PRR16: variants seen among roughly 807,000 people sequenced by gnomAD.
The protein encoded by PRR16 is protein Largen.
Under a neutral mutation model 18.2 loss-of-function variants are expected in PRR16, and 6 were observed. The ratio of observed to expected loss-of-function variants is 0.33; its 90% CI spans 0.18 to 0.65. The LOEUF (loss-of-function observed/expected upper bound fraction) is 0.65, where lower values mean the gene tolerates loss of function less well. PRR16 is among the 30% of genes least tolerant of loss of function. The probability of loss-of-function intolerance (pLI) is 0.74; values close to 1 mark genes in which losing one functional copy is unlikely to be tolerated. For missense variants in PRR16, 412 were observed against 376.6 expected (o/e 1.09, Z -0.78); for synonymous variants, 151 against 147.8 (o/e 1.02, Z -0.16).
chr5:120,559,194 T>G lies in PRR16; in HGVS notation c.159+94549T>G, dbSNP rs1030962184. ...TCTTTTTTCTTTGGTTGTCTATGCTTGTGGGATATTACTCAAGAAATTTTT... is the reference window on the plus strand; with the variant it reads ...TCTTTTTTCTTTGGTTGTCTATGCTGGTGGGATATTACTCAAGAAATTTTT... On this transcript the variant is annotated intron_variant, in intron 1 of 1. Coordinates refer to ENST00000407149, the MANE Select transcript of PRR16 (RefSeq NM_001300783.2). Among the ~76,000 whole-genome samples the G allele has an allele frequency of 3.3e-5, 5 of 151,918 alleles. No individual in the cohort carries two copies. The South Asian group carries it at 6.2e-4, about 19-fold the overall frequency.
chr5:120,496,512 C>G (rs1035557853), intron 1 of PRR16, among the ~76,000 whole-genome samples: 2 of 151,668 alleles, frequency 1.3e-5, no homozygotes, highest in East Asian at 3.9e-4. Context: ...TTTAGTATTC[C>G]CTTCTCATTG....
Position 120,686,516 on chromosome 5 carries a change from C to T in PRR16, c.722C>T (p.Pro241Leu), listed in dbSNP as rs201907499. ...VHLHSEPVHPPGKIPHQGPPL... is the reference protein window; with the variant it reads ...VHLHSEPVHPLGKIPHQGPPL... ...TTACACAGTGAACCTGTCCACCCAC[C>T]GGGAAAGATTCCTCACCAAGGCCCT... Residue 241 changes from proline (P) to leucine (L), a missense_variant, in exon 2 of 2, where the codon CCG becomes CTG. Pro to Leu is a moderately conservative substitution (Grantham distance 98). Transcript: ENST00000407149. 6 of 1,613,878 alleles carry T rather than the reference C, an allele frequency of 3.7e-6. No homozygotes were observed. The highest frequency in any genetic ancestry group is 2.2e-5 in the East Asian group (1 of 44,858).
rs554768984 is a variant in PRR16, at chr5:120,603,138, GAACC to G, written c.160-82812_160-82809del. 3.0e-4 allele frequency among the ~76,000 whole-genome samples: 45 copies of G among 152,108 alleles called. No homozygotes were observed. The East Asian group carries it at 7.9e-3, about 27-fold the overall frequency. On this transcript the variant is annotated intron_variant, in intron 1 of 1. Transcript: ENST00000407149. ...TTTTGGAATAATTTCAGTATAGTTG[GAACC>G]AACTCTTCCTTGCCTGTCTGGTAGA... is the stretch of plus-strand genomic sequence containing the variant.
chr5:120,689,783 A>C, downstream of PRR16, among the ~76,000 whole-genome samples: 1 of 152,024 alleles, frequency 6.6e-6, no homozygotes, highest in South Asian at 2.1e-4. Context: ...CTTTAGACAA[A>C]GATTTTCCCA....
intron 1 of PRR16, among the ~76,000 whole-genome samples, chr5:120,627,802 GCCT>G (rs1373446647): frequency 2.0e-5 from 3 of 152,038 alleles, no homozygotes; most frequent in Non-Finnish European, 4.4e-5. Context: ...ATGCTTAAAA[GCCT>G]TAGATCTCAG....
intron 1 of PRR16, among the ~76,000 whole-genome samples, chr5:120,669,279 G>A (rs1438394243): frequency 6.6e-6 from 1 of 152,000 alleles, no homozygotes; most frequent in African/African-American, 2.4e-5. Flanking sequence ...GAAAACCGTA[G>A]GAAAAGGGCA....
At chr5:120,499,555 G>C (rs1370260082) in intron 1 of PRR16, among the ~76,000 whole-genome samples, 1 of 151,976 alleles carries the variant, frequency 6.6e-6, no homozygotes, top group Non-Finnish European at 1.5e-5. Context: ...ATTCCCTGGG[G>C]TTTTAATTTT....
At chr5:120,769,193 AGTTTT>A in the PRR16 span, among the ~76,000 whole-genome samples, 3 of 151,734 alleles carry the variant, frequency 2.0e-5, no homozygotes, top group East Asian at 1.9e-4. Context: ...GATTTTTAAT[AGTTTT>A]GTTAAGGTAT....
At chr5:120,777,207 A>C in the PRR16 span, among the ~76,000 whole-genome samples, 1 of 152,122 alleles carries the variant, frequency 6.6e-6, no homozygotes, top group African/African-American at 2.4e-5. Context: ...TAAGGCAATG[A>C]AAATAACCAA....
At chr5:120,521,607 A>C (rs1304310541) in intron 1 of PRR16, among the ~76,000 whole-genome samples, 1 of 152,192 alleles carries the variant, frequency 6.6e-6, no homozygotes, top group Admixed American at 6.5e-5. Context: ...CAGGGTAATT[A>C]TCATATGTAT....
At chr5:120,603,760 G>A (rs1754061782) in intron 1 of PRR16, among the ~76,000 whole-genome samples, 1 of 151,704 alleles carries the variant, frequency 6.6e-6, no homozygotes, top group Admixed American at 6.6e-5. Flanking sequence ...TTGCATCTTT[G>A]TTTTAATTAG....
intron 1 of PRR16, among the ~76,000 whole-genome samples, chr5:120,491,069 G>C (rs1283736865): frequency 6.6e-6 from 1 of 152,172 alleles, no homozygotes; most frequent in East Asian, 1.9e-4. Context: ...CCCTACTGGG[G>C]GGTGCCTCCC....
At chr5:120,520,913 A>G (rs962475222) in intron 1 of PRR16, among the ~76,000 whole-genome samples, 1 of 148,282 alleles carries the variant, frequency 6.7e-6, no homozygotes, top group Non-Finnish European at 1.5e-5. Context: ...TTTTTTTTTT[A>G]TACACAGCAT....
chr5:120,732,146 T>C, the PRR16 span, among the ~76,000 whole-genome samples: 32 of 152,250 alleles, frequency 2.1e-4, no homozygotes, highest in Non-Finnish European at 5.9e-5. Context: ...CAGCTCATAG[T>C]GTTCAGCAGT....
intron 1 of PRR16, among the ~76,000 whole-genome samples, chr5:120,632,314 A>C (rs1359442000): frequency 1.3e-5 from 2 of 152,092 alleles, no homozygotes; most frequent in East Asian, 3.9e-4. Flanking sequence ...ATGGCAAAAC[A>C]AGGTTCTTTA....
intron 1 of PRR16, among the ~76,000 whole-genome samples, chr5:120,526,165 C>T (rs570592212): frequency 5.3e-5 from 8 of 152,190 alleles, no homozygotes; most frequent in African/African-American, 1.9e-4. Context: ...CCCACAGGTA[C>T]TGTGGGTCTG....
intron 1 of PRR16, among the ~76,000 whole-genome samples, chr5:120,588,291 T>G (rs1391240546): frequency 6.6e-6 from 1 of 152,208 alleles, no homozygotes; most frequent in South Asian, 2.1e-4. Context: ...TTGAAAGGAT[T>G]GACTCCAATT....
At chr5:120,695,544 T>C in the PRR16 span, among the ~76,000 whole-genome samples, 1 of 152,202 alleles carries the variant, frequency 6.6e-6, no homozygotes, top group African/African-American at 2.4e-5. Context: ...GCCTGCTCAC[T>C]TGACCTCTTG....
rs376311363 is a variant in PRR16 at position 120,599,100 on chromosome 5, T to G, written c.160-86854T>G. Among the ~76,000 whole-genome samples the G allele has an allele frequency of 6.1e-4, 93 of 151,964 alleles. 3 individuals carry two copies. The South Asian group carries it at 0.018, about 29-fold the overall frequency. On this transcript the variant is annotated intron_variant, in intron 1 of 1. Coordinates refer to ENST00000407149, the MANE Select transcript of PRR16 (RefSeq NM_001300783.2). ...TATATTTTGTGCATTCTACCTATTATTGTCTTGCTTTGCTGCTTTTTTTCT... is the reference window on the plus strand; with the variant it reads ...TATATTTTGTGCATTCTACCTATTAGTGTCTTGCTTTGCTGCTTTTTTTCT...
Sources: allele counts gnomAD v4.1 joint callset (sites outside exome capture counted in the v4.1 genomes callset), GRCh38; gene constraint gnomAD v4.1.1; transcripts MANE v1.5; gene names NCBI Gene and HGNC (gene_info 2026-07-23, HGNC 2026-07-21).